Variants in STIM2 observed in about 807,000 individuals in gnomAD.
The protein encoded by STIM2 is stromal interaction molecule 2.
In STIM2, 31 loss-of-function variants were observed where a neutral mutation model predicts 85.8. The ratio of observed to expected loss-of-function variants is 0.36; its 90% CI spans 0.27 to 0.49. STIM2 has a LOEUF of 0.49. Ranked by LOEUF, STIM2 falls within the 20% of genes least tolerant of loss-of-function variation. STIM2 has a pLI of 0.98. For missense variants in STIM2, 841 were observed against 927.6 expected (o/e 0.91, Z 1.21); for synonymous variants, 356 against 331.1 (o/e 1.08, Z -0.82).
At chr4:26,995,958 T>A (rs1049449276) in intron 4 of STIM2, among the ~76,000 whole-genome samples, 3 of 152,204 alleles carry the variant, frequency 2.0e-5, no homozygotes, top group Non-Finnish European at 2.9e-5. Flanking sequence ...GCAACCATTT[T>A]AAAATGTATG....
At chr4:26,987,387 T>C (rs1437586453) in intron 3 of STIM2, among the ~76,000 whole-genome samples, 1 of 152,156 alleles carries the variant, frequency 6.6e-6, no homozygotes, top group African/African-American at 2.4e-5. Flanking sequence ...GTTGTAGAAA[T>C]TGCCCTTTTG....
chr4:26,923,447 A>T (rs916450593), intron 2 of STIM2, among the ~76,000 whole-genome samples: 3 of 151,756 alleles, frequency 2.0e-5, no homozygotes. Context: ...GTGAAGGAGA[A>T]ATAAAATACT....
At chr4:26,974,850 T>TC (rs1470445123) in intron 3 of STIM2, among the ~76,000 whole-genome samples, 1 of 152,180 alleles carries the variant, frequency 6.6e-6, no homozygotes, top group African/African-American at 2.4e-5. Context: ...TTGGGTCCAT[T>TC]CCCCCCATCA....
chr4:26,953,420 C>T (rs540684903), intron 2 of STIM2, among the ~76,000 whole-genome samples: 90 of 151,984 alleles, frequency 5.9e-4, no homozygotes, highest in African/African-American at 2.1e-3. Context: ...TTTTATTTTC[C>T]TCATTCTACA....
At chr4:26,996,009 G>C (rs1727949985) in intron 4 of STIM2, among the ~76,000 whole-genome samples, 1 of 151,812 alleles carries the variant, frequency 6.6e-6, no homozygotes, top group Non-Finnish European at 1.5e-5. Flanking sequence ...TAACCCTCAT[G>C]ATTAAAATGA....
At chr4:26,942,487 CT>C (rs1725647455) in intron 2 of STIM2, among the ~76,000 whole-genome samples, 1 of 152,092 alleles carries the variant, frequency 6.6e-6, no homozygotes, top group South Asian at 2.1e-4. Flanking sequence ...AAAAGGACTT[CT>C]GTACTGTTTC....
At chr4:27,004,409 C>A (rs1302497328) in intron 7 of STIM2, among the ~76,000 whole-genome samples, 5 of 152,114 alleles carry the variant, frequency 3.3e-5, no homozygotes, top group African/African-American at 9.7e-5. Flanking sequence ...GAAGTGGGTA[C>A]TATGCCCTTT....
At chr4:26,969,573 A>G (rs749410086) in intron 3 of STIM2, among the ~76,000 whole-genome samples, 5 of 152,222 alleles carry the variant, frequency 3.3e-5, no homozygotes, top group South Asian at 2.1e-4. Context: ...CCAGATTGCA[A>G]TGTGAGATAG....
intron 1 of STIM2, among the ~76,000 whole-genome samples, chr4:26,886,755 G>A (rs1444263521): frequency 2.0e-5 from 3 of 152,168 alleles, no homozygotes; most frequent in African/African-American, 7.2e-5. Context: ...TGTATGTCAT[G>A]TACTCTGAGA....
chr4:26,927,451 A>G (rs1170064831), intron 2 of STIM2, among the ~76,000 whole-genome samples: 2 of 36,546 alleles, frequency 5.5e-5, no homozygotes, highest in Admixed American at 3.7e-4. Context: ...AACACCGCAT[A>G]TTCTCACTCA....
At chr4:26,973,695 T>C (rs1727067858) in intron 3 of STIM2, among the ~76,000 whole-genome samples, 2 of 152,196 alleles carry the variant, frequency 1.3e-5, no homozygotes, top group Admixed American at 1.3e-4. Flanking sequence ...GATGTGGTGC[T>C]GAGAAGAATG....
chr4:27,014,537 G>T (rs896646133), intron 10 of STIM2, among the ~76,000 whole-genome samples: 1 of 151,314 alleles, frequency 6.6e-6, no homozygotes, highest in Non-Finnish European at 1.5e-5. Flanking sequence ...CTACTTGTGC[G>T]TGATTAGAGA....
chr4:26,904,464 G>C (rs1724047660), intron 1 of STIM2, among the ~76,000 whole-genome samples: 1 of 152,084 alleles, frequency 6.6e-6, no homozygotes, highest in African/African-American at 2.4e-5. Flanking sequence ...AGGCTATTGT[G>C]CTGTCTTGGA....
chr4:26,893,320 T>C (rs577330041), intron 1 of STIM2, among the ~76,000 whole-genome samples: 22 of 152,342 alleles, frequency 1.4e-4, no homozygotes, highest in African/African-American at 5.0e-4. Flanking sequence ...ATTTCTGTCA[T>C]GATACTTTCC....
At chr4:26,873,647 T>G (rs2109030525) in intron 1 of STIM2, 1 of 636,188 alleles carries the variant, frequency 1.6e-6, no homozygotes, top group East Asian at 3.3e-5. Context: ...TAGTCATAAA[T>G]GAGAGAGACG....
At position 26,873,108 on chromosome 4, in the gene STIM2, GA is replaced by G. The variant is rs1471616356; in HGVS notation, c.151+11740del. 5.9e-5 allele frequency among the ~76,000 whole-genome samples: 9 copies of G among 152,290 alleles called. No homozygotes were observed. The East Asian group carries it at 1.7e-3, about 29-fold the overall frequency. On this transcript the variant is annotated intron_variant, in intron 1 of 11. Coordinates refer to ENST00000467087, the MANE Select transcript of STIM2 (RefSeq NM_020860.4). ...TGTTACCTTGTTTGGGTTTAATTCA[GA>G]GGGTAACAGGCCGGGTGTGGTGGCT...
At chr4:26,861,429 T>TGCAGAGG (rs1342916867) in intron 1 of STIM2, 60 bp downstream of exon 1, 3 of 1,256,382 alleles carry the variant, frequency 2.4e-6, no homozygotes, top group Middle Eastern at 3.1e-4. Context: ...CCCCAACCCG[T>TGCAGAGG]GCAGAGGTCA....
intron 1 of STIM2, among the ~76,000 whole-genome samples, chr4:26,884,324 A>G (rs1174340461): frequency 2.6e-5 from 4 of 152,242 alleles, no homozygotes; most frequent in Non-Finnish European, 5.9e-5. Context: ...GTTGTGAGCA[A>G]TAAAGATCAG....
chr4:26,908,533 G>T (rs1724214473), intron 1 of STIM2, among the ~76,000 whole-genome samples: 1 of 152,192 alleles, frequency 6.6e-6, no homozygotes, highest in South Asian at 2.1e-4. Flanking sequence ...GCCCAGCCTG[G>T]AGTGCAATGG....
Sources: gnomAD v4.1 joint callset for allele counts (sites outside exome capture counted in the v4.1 genomes callset) on GRCh38, gnomAD v4.1.1 for gene constraint, MANE v1.5 for transcripts, NCBI Gene and HGNC (gene_info 2026-07-23, HGNC 2026-07-21) for gene names.